RABGAP1L: variants seen among roughly 807,000 people sequenced by gnomAD.
The protein encoded by RABGAP1L is RAB GTPase activating protein 1 like, also known as rab GTPase-activating protein 1-like.
Under a neutral mutation model 137.7 loss-of-function variants are expected in RABGAP1L, and 63 were observed. The observed-to-expected ratio is 0.46, with a 90% CI of 0.37 to 0.56. The LOEUF (loss-of-function observed/expected upper bound fraction) is 0.56, where lower values mean the gene tolerates loss of function less well. RABGAP1L is among the 20% of genes least tolerant of loss of function. The pLI, the probability that RABGAP1L is intolerant of heterozygous loss-of-function variation, is 0.00. For missense variants in RABGAP1L, 1,095 were observed against 1,244.0 expected (o/e 0.88, Z 1.80); for synonymous variants, 431 against 433.7 (o/e 0.99, Z 0.08).
At chr1:174,209,554 G>C (rs1247815693) in intron 1 of RABGAP1L, among the ~76,000 whole-genome samples, 1 of 152,168 alleles carries the variant, frequency 6.6e-6, no homozygotes, top group Non-Finnish European at 1.5e-5. Context: ...GTGTCTTGTG[G>C]TTTGAGTGCC....
chr1:174,479,744 A>C (rs1169680650), intron 13 of RABGAP1L, among the ~76,000 whole-genome samples: 1 of 152,198 alleles, frequency 6.6e-6, no homozygotes, highest in Admixed American at 6.6e-5. Flanking sequence ...CCAATGGTGA[A>C]GACCATAGCT....
At chr1:174,797,622 A>G (rs1573238891) in intron 18 of RABGAP1L, among the ~76,000 whole-genome samples, 5 of 43,162 alleles carry the variant, frequency 1.2e-4, no homozygotes, top group South Asian at 9.4e-4. Context: ...GTGGAGTGGG[A>G]GTGTGGGTGT....
intron 18 of RABGAP1L, among the ~76,000 whole-genome samples, chr1:174,776,035 A>C (rs1307643500): frequency 6.6e-6 from 1 of 152,158 alleles, no homozygotes. Context: ...AATTTCTAAG[A>C]ACTACACCAT....
At chr1:174,217,275 C>T (rs1669409493) in intron 1 of RABGAP1L, among the ~76,000 whole-genome samples, 1 of 152,056 alleles carries the variant, frequency 6.6e-6, no homozygotes, top group South Asian at 2.1e-4. Context: ...ATTTAAGATA[C>T]GATAAGACTT....
intron 11 of RABGAP1L, among the ~76,000 whole-genome samples, chr1:174,358,963 A>G (rs1250378859): frequency 4.6e-5 from 7 of 152,192 alleles, no homozygotes; most frequent in Non-Finnish European, 1.0e-4. Flanking sequence ...GCTAAGTGCT[A>G]TGATGGTATG....
At chr1:174,543,025 A>G (rs548973417) in intron 13 of RABGAP1L, among the ~76,000 whole-genome samples, 11 of 152,316 alleles carry the variant, frequency 7.2e-5, no homozygotes, top group East Asian at 1.9e-4. Flanking sequence ...TATGTGGTCA[A>G]TTATGGAATA....
At chr1:174,526,810 G>A (rs1663912889) in intron 13 of RABGAP1L, among the ~76,000 whole-genome samples, 1 of 151,526 alleles carries the variant, frequency 6.6e-6, no homozygotes, top group African/African-American at 2.4e-5. Flanking sequence ...TGCTTTTTTA[G>A]TATCTATTTT....
Position 174,811,859 on chromosome 1 carries a change from G to C in RABGAP1L, c.2239G>C (p.Asp747His), listed in dbSNP as rs1182298725. ...CTCAAAGGAAGACCTTCTGCAGGCT[G>C]ATTTTGAAGGTGCTTTAAAGTTCTT... ...KTSKEDLLQA[D>H]FEGALKFFRV... The change falls in exon 19 of 26, where the codon GAT (aspartate) becomes CAT (histidine). Residue 747 changes from aspartate to histidine, a missense_variant. Asp to His is a moderately conservative substitution (Grantham distance 81). Coordinates refer to ENST00000681986, the MANE Select transcript of RABGAP1L (RefSeq NM_001366446.1). 3 of 1,601,958 alleles carry C rather than the reference G, an allele frequency of 1.9e-6. No homozygotes were observed. Among genetic ancestry groups the C allele is most frequent in the East Asian group, 2.2e-5 (1 of 44,562 alleles).
chr1:174,528,036 CT>C (rs1664062873), intron 13 of RABGAP1L, among the ~76,000 whole-genome samples: 1 of 149,336 alleles, frequency 6.7e-6, no homozygotes, highest in African/African-American at 2.5e-5. Flanking sequence ...CTATATGTGT[CT>C]TTACAGGTAA....
intron 13 of RABGAP1L, among the ~76,000 whole-genome samples, chr1:174,536,359 T>C (rs1664888595): frequency 6.6e-6 from 1 of 151,406 alleles, no homozygotes; most frequent in Non-Finnish European, 1.5e-5. Context: ...TGAAAAAAGA[T>C]GGAAAAAAGG....
intron 1 of RABGAP1L, among the ~76,000 whole-genome samples, chr1:174,174,229 C>G (rs1198791042): frequency 1.5e-5 from 2 of 134,252 alleles, no homozygotes; most frequent in African/African-American, 3.2e-5. Flanking sequence ...CACACACACA[C>G]ACACAACTGA....
At chr1:174,480,967 T>C (rs1185821796) in intron 13 of RABGAP1L, among the ~76,000 whole-genome samples, 2 of 152,200 alleles carry the variant, frequency 1.3e-5, no homozygotes, top group African/African-American at 2.4e-5. Context: ...AAAAAGACTC[T>C]ACTAATTTTT....
chr1:174,716,845 A>G (rs929579593), intron 17 of RABGAP1L, among the ~76,000 whole-genome samples: 4 of 152,162 alleles, frequency 2.6e-5, no homozygotes, highest in Non-Finnish European at 5.9e-5. Flanking sequence ...AGCTTGGACC[A>G]CATCATGTCT....
intron 13 of RABGAP1L, among the ~76,000 whole-genome samples, chr1:174,558,254 C>G (rs1440100005): frequency 2.0e-5 from 3 of 152,198 alleles, no homozygotes; most frequent in Non-Finnish European, 2.9e-5. Context: ...AAAGGTCCAG[C>G]CTGGGGCTGC....
intron 19 of RABGAP1L, among the ~76,000 whole-genome samples, chr1:174,941,630 C>G (rs976897143): frequency 6.6e-6 from 1 of 152,088 alleles, no homozygotes; most frequent in African/African-American, 2.4e-5. Flanking sequence ...TATGGCCATG[C>G]CTGTCTTCAG....
chr1:174,354,915 G>A (rs977044937), intron 11 of RABGAP1L, among the ~76,000 whole-genome samples: 8 of 152,218 alleles, frequency 5.3e-5, no homozygotes, highest in Middle Eastern at 6.8e-3. Flanking sequence ...TATTAAATAG[G>A]GACTCCTTTC....
intron 14 of RABGAP1L, among the ~76,000 whole-genome samples, chr1:174,672,571 C>T (rs1423470066): frequency 1.3e-5 from 2 of 151,710 alleles, no homozygotes; most frequent in Admixed American, 6.6e-5. Flanking sequence ...TATTTGCAAC[C>T]TGTCTTCTTT....
chr1:174,165,494 C>CTT (rs36050303), intron 1 of RABGAP1L, among the ~76,000 whole-genome samples: 3 of 140,094 alleles, frequency 2.1e-5, no homozygotes, highest in South Asian at 2.3e-4. Context: ...ATTTGAACTA[C>CTT]TTTTTTTTTT....
chr1:174,637,326 A>G, intron 13 of RABGAP1L, 49 bp from the exon 14 acceptor site: 2 of 1,330,454 alleles, frequency 1.5e-6, no homozygotes, highest in Non-Finnish European at 2.1e-6. Context: ...ATTATATTTC[A>G]TAACTGGGAA....
Sources: allele counts gnomAD v4.1 joint callset (sites outside exome capture counted in the v4.1 genomes callset), GRCh38; gene constraint gnomAD v4.1.1; transcripts MANE v1.5; gene names NCBI Gene and HGNC (gene_info 2026-07-23, HGNC 2026-07-21).